The following TMEM266 variants were observed in gnomAD, a reference collection of about 807,000 sequenced individuals.
TMEM266 encodes the protein transmembrane protein 266.
TMEM266 carries 33 observed loss-of-function variants against 50.5 expected under a neutral mutation model. The ratio of observed to expected loss-of-function variants is 0.65; its 90% confidence interval spans 0.50 to 0.87. TMEM266 has a LOEUF of 0.87. TMEM266 is among the 40% of genes least tolerant of loss of function. The pLI, the probability that TMEM266 is intolerant of heterozygous loss-of-function variation, is 0.00. For missense variants in TMEM266, 655 were observed against 695.1 expected (o/e 0.94, Z 0.65); for synonymous variants, 310 against 292.3 (o/e 1.06, Z -0.62).
chr15:76,117,647 A>C (rs762849973), intron 1 of TMEM266, among the ~76,000 whole-genome samples: 2 of 152,178 alleles, frequency 1.3e-5, no homozygotes, highest in Non-Finnish European at 2.9e-5. Context: ...AGAAAGGACC[A>C]CTGAAGCTCT....
intron 4 of TMEM266, among the ~76,000 whole-genome samples, chr15:76,158,339 G>C (rs776803384): frequency 6.6e-6 from 1 of 152,168 alleles, no homozygotes; most frequent in Non-Finnish European, 1.5e-5. Context: ...TAAAGTGACC[G>C]GTACTGGTTT....
intron 3 of TMEM266, among the ~76,000 whole-genome samples, chr15:76,147,392 T>C (rs2037771689): frequency 6.6e-6 from 1 of 152,238 alleles, no homozygotes. Context: ...CTGCAGAGTC[T>C]GGAAATTCGG....
intron 1 of TMEM266, chr15:76,114,289 G>A (rs1374849289): frequency 6.6e-6 from 1 of 152,262 alleles, no homozygotes; most frequent in Non-Finnish European, 1.5e-5. Flanking sequence ...GGAGGCCAAG[G>A]CAGGTGGATG....
intron 9 of TMEM266, 126 bp downstream of exon 9, chr15:76,192,283 T>C (rs1055602505): frequency 2.3e-6 from 2 of 880,174 alleles, no homozygotes; most frequent in African/African-American, 1.8e-5. Context: ...CCTCCTTCAC[T>C]CGTGATTGGG....
intron 8 of TMEM266, among the ~76,000 whole-genome samples, chr15:76,176,880 C>T (rs542930451): frequency 1.2e-3 from 177 of 152,308 alleles, no homozygotes; most frequent in African/African-American, 4.1e-3. Context: ...TGTGTCTGCC[C>T]GTCCTATCGA....
In TMEM266 at chr15:76,075,837, C is replaced by CTTTTTTTT. The variant is rs71140194; in HGVS notation, c.-97+15851_-97+15858dup. On this transcript the variant is annotated intron_variant, in intron 1 of 10. Coordinates refer to ENST00000388942, the MANE Select transcript of TMEM266 (RefSeq NM_152335.3). ...CTGGAGGAGAATGAAGAGAAGGCAG[C>CTTTTTTTT]TTTTTTTTTTTTTTTTTTTTTTTTT... 3.0e-4 allele frequency among the ~76,000 whole-genome samples: 7 copies of CTTTTTTTT among 23,596 alleles called. 3 individuals carry two copies. Among genetic ancestry groups the CTTTTTTTT allele is most frequent in the East Asian group, 1.2e-3 (1 of 852 alleles). 15.5% of individuals were successfully genotyped at this position (23,596 alleles called of 152,430 possible).
intron 1 of TMEM266, among the ~76,000 whole-genome samples, chr15:76,085,045 C>T (rs374413307): frequency 6.6e-6 from 1 of 150,572 alleles, no homozygotes; most frequent in Non-Finnish European, 1.5e-5. Context: ...CTACAAGCTC[C>T]GCCTCCCAGG....
rs532389074 is a variant in TMEM266, at chr15:76,147,299, G to A, written c.228-9305G>A. 1.6e-4 allele frequency among the ~76,000 whole-genome samples: 24 copies of A among 152,322 alleles called. No homozygotes were observed. In the South Asian group the frequency reaches 4.6e-3, roughly 29 times the overall value. ...GAACATGCCAACTTCACTTAGTAAGGTTTTAACGTCCTGGTAGAGGAAGGA... is the reference window on the plus strand; with the variant it reads ...GAACATGCCAACTTCACTTAGTAAGATTTTAACGTCCTGGTAGAGGAAGGA... On this transcript the variant is annotated intron_variant, in intron 3 of 10. Coordinates refer to ENST00000388942, the MANE Select transcript of TMEM266 (RefSeq NM_152335.3).
intron 1 of TMEM266, among the ~76,000 whole-genome samples, chr15:76,069,262 G>A (rs947139143): frequency 1.3e-4 from 20 of 152,242 alleles, no homozygotes; most frequent in Admixed American, 5.9e-4. Flanking sequence ...AGGCTAGGTC[G>A]ACTCATGGGT....
At chr15:76,154,738 C>T (rs548547588) in intron 3 of TMEM266, among the ~76,000 whole-genome samples, 5 of 152,216 alleles carry the variant, frequency 3.3e-5, no homozygotes, top group East Asian at 1.9e-4. Context: ...GAGTTGAGGA[C>T]GGGGGCCTAT....
chr15:76,188,176 TAAAG>T (rs1045903863), intron 8 of TMEM266, among the ~76,000 whole-genome samples: 2 of 150,600 alleles, frequency 1.3e-5, no homozygotes, highest in African/African-American at 4.9e-5. Flanking sequence ...ACGCTGCTAA[TAAAG>T]ACATACCCAA....
At chr15:76,105,292 C>G (rs994061898) in intron 1 of TMEM266, among the ~76,000 whole-genome samples, 2 of 152,286 alleles carry the variant, frequency 1.3e-5, no homozygotes, top group South Asian at 2.1e-4. Flanking sequence ...TTCACTACCC[C>G]CTTGTGAGCC....
chr15:76,179,006 G>C (rs2038348838), intron 8 of TMEM266, among the ~76,000 whole-genome samples: 1 of 152,196 alleles, frequency 6.6e-6, no homozygotes, highest in African/African-American at 2.4e-5. Flanking sequence ...ACTTGCAGCT[G>C]TATTTTCAGA....
At chr15:76,179,411 C>T (rs551825059) in intron 8 of TMEM266, among the ~76,000 whole-genome samples, 65 of 152,314 alleles carry the variant, frequency 4.3e-4, no homozygotes, top group Middle Eastern at 3.4e-3. Context: ...AATAAGAAAA[C>T]TGAGCAGTGG....
At chr15:76,141,929 T>A (rs1053811560) in intron 3 of TMEM266, among the ~76,000 whole-genome samples, 1 of 152,234 alleles carries the variant, frequency 6.6e-6, no homozygotes, top group Non-Finnish European at 1.5e-5. Context: ...TCTTTCCTTT[T>A]TAAAACTGAA....
At chr15:76,178,326 G>C (rs2038330289) in intron 8 of TMEM266, among the ~76,000 whole-genome samples, 1 of 152,136 alleles carries the variant, frequency 6.6e-6, no homozygotes, top group South Asian at 2.1e-4. Flanking sequence ...GGCAGAGGGG[G>C]CTGCAGGGAA....
intron 2 of TMEM266, among the ~76,000 whole-genome samples, chr15:76,135,231 C>T (rs536948432): frequency 6.6e-6 from 1 of 152,196 alleles, no homozygotes; most frequent in Non-Finnish European, 1.5e-5. Context: ...AGAATAGAAC[C>T]ATTAATACAT....
chr15:76,199,058 G>A (rs1414657279), intron 9 of TMEM266, among the ~76,000 whole-genome samples: 1 of 152,212 alleles, frequency 6.6e-6, no homozygotes, highest in Non-Finnish European at 1.5e-5. Context: ...GGCAGGGCAG[G>A]AGTCCAAAGG....
At chr15:76,177,735 A>G (rs905988237) in intron 8 of TMEM266, among the ~76,000 whole-genome samples, 2 of 152,226 alleles carry the variant, frequency 1.3e-5, no homozygotes, top group Non-Finnish European at 2.9e-5. Context: ...CTCTTGCCAT[A>G]TCGCGTGGTT....
Sources: allele counts gnomAD v4.1 joint callset (sites outside exome capture counted in the v4.1 genomes callset), GRCh38; gene constraint gnomAD v4.1.1; transcripts MANE v1.5; gene names NCBI Gene and HGNC (gene_info 2026-07-23, HGNC 2026-07-21).